The following SSBP2 variants were observed in gnomAD, a reference collection of about 807,000 sequenced individuals.
The protein encoded by SSBP2 is single stranded DNA binding protein 2, also known as single-stranded DNA-binding protein 2.
A neutral mutation model predicts 61.8 loss-of-function variants in SSBP2; 17 were observed. The observed-to-expected ratio is 0.28, with a 90% CI of 0.19 to 0.41. The LOEUF (loss-of-function observed/expected upper bound fraction) is 0.41, where lower values mean the gene tolerates loss of function less well. Ranked by LOEUF, SSBP2 falls within the 10% of genes least tolerant of loss-of-function variation. The pLI, the probability that SSBP2 is intolerant of heterozygous loss-of-function variation, is 1.00. For synonymous variants in SSBP2, 139 were observed against 141.3 expected (o/e 0.98, Z 0.12); for missense variants, 310 against 458.7 (o/e 0.68, Z 2.96).
At chr5:81,610,478 T>G (rs74885370) in intron 4 of SSBP2, among the ~76,000 whole-genome samples, 33 of 152,216 alleles carry the variant, frequency 2.2e-4, no homozygotes, top group Non-Finnish European at 4.4e-4. Flanking sequence ...CAAGAGATTC[T>G]GAGTCTTTCC....
chr5:81,593,395 G>C (rs1180073629), intron 4 of SSBP2, among the ~76,000 whole-genome samples: 2 of 152,114 alleles, frequency 1.3e-5, no homozygotes, highest in South Asian at 2.1e-4. Flanking sequence ...GGGGAGAATG[G>C]AACCAAGTTG....
Position 81,417,846 on chromosome 5 carries a change from A to C in SSBP2, c.*2658T>G, listed in dbSNP as rs1761379839. 1 of 152,176 alleles carries C rather than the reference A, an allele frequency of 6.6e-6. No individual in the cohort carries two copies. The highest frequency in any genetic ancestry group is 6.5e-5 in the Admixed American group (1 of 15,282). The allele number at this position is 152,176 out of a possible 1,614,324, so 9.4% of individuals were successfully genotyped here. On this transcript the variant is annotated 3_prime_UTR_variant, in exon 17 of 17. Transcript: ENST00000320672. ...AACTCTTTTTAATCTGGGCTCCAAG[A>C]AGAAAAAAGAAATAAATACTTATAA... is the stretch of plus-strand genomic sequence containing the variant.
At chr5:81,613,615 A>T (rs955592593) in intron 4 of SSBP2, among the ~76,000 whole-genome samples, 1 of 152,196 alleles carries the variant, frequency 6.6e-6, no homozygotes, top group Non-Finnish European at 1.5e-5. Context: ...TTATATGATT[A>T]ATTTCTTAAA....
rs371376021 is a variant in SSBP2, at chr5:81,743,680, TTCTC to T, written c.62+7297_62+7300del. Reference sequence around the variant, plus strand: ...TTGTTTACAGGAAGAAATTCTGTAGTTCTCTCTAATAAGGGATAAGAAGATGTCT... The same window carrying T: ...TTGTTTACAGGAAGAAATTCTGTAGTTCTAATAAGGGATAAGAAGATGTCT... On this transcript the variant is annotated intron_variant, in intron 1 of 16. Transcript: ENST00000320672. Among the ~76,000 whole-genome samples the T allele has an allele frequency of 7.1e-4, 108 of 152,296 alleles. 1 individual carries two copies. The East Asian group carries it at 8.1e-3, about 11-fold the overall frequency.
At chr5:81,610,496 G>A (rs1745338895) in intron 4 of SSBP2, among the ~76,000 whole-genome samples, 1 of 152,100 alleles carries the variant, frequency 6.6e-6, no homozygotes. Flanking sequence ...TCCTTCTAGA[G>A]AGTTTAAAGC....
chr5:81,504,480 T>C (rs1230932667), intron 5 of SSBP2, among the ~76,000 whole-genome samples: 3 of 152,200 alleles, frequency 2.0e-5, no homozygotes, highest in Non-Finnish European at 4.4e-5. Context: ...CCCTAAACAG[T>C]CATGCTTTGA....
intron 3 of SSBP2, among the ~76,000 whole-genome samples, 179 bp from the exon 4 acceptor site, chr5:81,615,736 T>C (rs932122851): frequency 6.6e-6 from 1 of 152,242 alleles, no homozygotes; most frequent in African/African-American, 2.4e-5. Context: ...TGTTACCATC[T>C]AGCCATCTTT....
At chr5:81,475,863 T>C (rs769421213) in intron 6 of SSBP2, among the ~76,000 whole-genome samples, 5 of 152,046 alleles carry the variant, frequency 3.3e-5, no homozygotes, top group Non-Finnish European at 5.9e-5. Flanking sequence ...GCAAGTTATA[T>C]TGAACAAATA....
rs61254614 is a variant in SSBP2, at chr5:81,547,036, CAAAA to C, written c.283-33323_283-33320del. ...TTTATAGTAAAGGGCAAATCTTGGC[CAAAA>C]AAAAAAAAAAAAAAAAAGTCTATCA... On this transcript the variant is annotated intron_variant, in intron 4 of 16. Coordinates refer to ENST00000320672, the MANE Select transcript of SSBP2 (RefSeq NM_012446.5). 1.5e-4 allele frequency among the ~76,000 whole-genome samples: 8 copies of C among 53,862 alleles called. No homozygotes were observed. The South Asian group carries it at 3.8e-3, about 26-fold the overall frequency. The allele number at this position is 53,862 out of a possible 152,430, so 35.3% of individuals were successfully genotyped here. A position where few individuals can be genotyped will look rare whatever the true frequency, so the allele number is the denominator to read the frequency against.
At chr5:81,583,434 C>A (rs1337134753) in intron 4 of SSBP2, among the ~76,000 whole-genome samples, 1 of 151,948 alleles carries the variant, frequency 6.6e-6, no homozygotes, top group Non-Finnish European at 1.5e-5. Context: ...TTGAGACCAT[C>A]CTGGCTAACA....
intron 3 of SSBP2, among the ~76,000 whole-genome samples, chr5:81,623,648 T>C (rs1746853067): frequency 6.6e-6 from 1 of 152,172 alleles, no homozygotes; most frequent in African/African-American, 2.4e-5. Flanking sequence ...TGTAGTACTT[T>C]TAAAAGATTA....
chr5:81,497,962 G>A (rs1314751086), intron 5 of SSBP2, among the ~76,000 whole-genome samples: 3 of 152,084 alleles, frequency 2.0e-5, no homozygotes, highest in Non-Finnish European at 4.4e-5. Flanking sequence ...CACAAGAACT[G>A]CTAACAATTC....
chr5:81,565,902 A>G (rs750494578), intron 4 of SSBP2, among the ~76,000 whole-genome samples: 2 of 152,202 alleles, frequency 1.3e-5, no homozygotes, highest in Non-Finnish European at 2.9e-5. Flanking sequence ...AATCTGGCTA[A>G]CATGGAGACC....
intron 4 of SSBP2, among the ~76,000 whole-genome samples, chr5:81,555,918 T>C (rs1267024294): frequency 2.6e-5 from 4 of 152,202 alleles, no homozygotes; most frequent in Middle Eastern, 6.8e-3. Context: ...TCAGCAAACT[T>C]TTCCTGAAAA....
chr5:81,510,072 C>T (rs1157666343), intron 5 of SSBP2, among the ~76,000 whole-genome samples: 1 of 152,126 alleles, frequency 6.6e-6, no homozygotes, highest in Admixed American at 6.5e-5. Flanking sequence ...GTTGTATATT[C>T]TCTTACCCTC....
At chr5:81,453,326 G>C (rs1763903534) in intron 10 of SSBP2, among the ~76,000 whole-genome samples, 1 of 151,826 alleles carries the variant, frequency 6.6e-6, no homozygotes, top group African/African-American at 2.4e-5. Context: ...CCAAAAAAAA[G>C]AGATAGAGAA....
chr5:81,748,562 C>T (rs2154030821), intron 1 of SSBP2, among the ~76,000 whole-genome samples: 1 of 152,148 alleles, frequency 6.6e-6, no homozygotes, highest in East Asian at 1.9e-4. Flanking sequence ...ATTCAAACAA[C>T]ATTAACCTAG....
chr5:81,603,189 CATA>C (rs1231892010), intron 4 of SSBP2, among the ~76,000 whole-genome samples: 4 of 152,206 alleles, frequency 2.6e-5, no homozygotes, highest in African/African-American at 9.7e-5. Flanking sequence ...CTGCAGACTC[CATA>C]ATGTCTGCTC....
intron 5 of SSBP2, among the ~76,000 whole-genome samples, chr5:81,499,921 G>A (rs749006286): frequency 2.0e-5 from 3 of 152,088 alleles, no homozygotes; most frequent in African/African-American, 7.2e-5. Flanking sequence ...AAAGCATAGC[G>A]TTTTGTTCTT....
Sources: gnomAD v4.1 joint callset for allele counts (sites outside exome capture counted in the v4.1 genomes callset) on GRCh38, gnomAD v4.1.1 for gene constraint, MANE v1.5 for transcripts, NCBI Gene and HGNC (gene_info 2026-07-23, HGNC 2026-07-21) for gene names.